Variants in MCF2L observed in about 807,000 individuals in gnomAD.
MCF2L encodes guanine nucleotide exchange factor DBS.
Under a neutral mutation model 153.4 loss-of-function variants are expected in MCF2L, and 97 were observed. That is an observed-to-expected ratio of 0.63 (90% CI 0.54 to 0.75). The LOEUF is 0.75. MCF2L is among the 30% of genes least tolerant of loss of function. MCF2L has a pLI of 0.00. For missense variants in MCF2L, 1,347 were observed against 1,495.2 expected (o/e 0.90, Z 1.64); for synonymous variants, 659 against 632.2 (o/e 1.04, Z -0.64).
At chr13:112,940,486 G>A (rs879468360) in intron 2 of MCF2L, among the ~76,000 whole-genome samples, 4 of 152,218 alleles carry the variant, frequency 2.6e-5, no homozygotes, top group East Asian at 1.9e-4. Context: ...AGGCGCTGCC[G>A]GCTGTGTACC....
rs565866446 is a variant in MCF2L, at chr13:113,039,678, GA to G, written c.279-5592del. Among the ~76,000 whole-genome samples the G allele has an allele frequency of 3.2e-3, 480 of 150,330 alleles. 2 individuals are homozygous for G. Among genetic ancestry groups the G allele is most frequent in the African/African-American group, 0.011 (454 of 41,002 alleles). On this transcript the variant is annotated intron_variant, in intron 3 of 29. Coordinates refer to ENST00000535094, the MANE Select transcript of MCF2L (RefSeq NM_001112732.3). ...AGATGTGAACAGGCATATCATAAAA[GA>G]GGATAGCCACTAGACACAGAAGGCT...
At chr13:112,964,719 T>C (rs1379225293), upstream of MCF2L, 2 of 152,246 alleles carry the variant, frequency 1.3e-5, no homozygotes, top group Non-Finnish European at 1.5e-5. Flanking sequence ...TTTAAAATCA[T>C]GTAGAGTAGC....
chr13:112,901,886 T>C (rs1365198975), intron 1 of MCF2L, among the ~76,000 whole-genome samples: 1 of 152,004 alleles, frequency 6.6e-6, no homozygotes, highest in East Asian at 1.9e-4. Context: ...GAAACAGGAG[T>C]CTGAATGTCG....
intron 2 of MCF2L, among the ~76,000 whole-genome samples, chr13:113,015,451 T>C (rs538994191): frequency 2.0e-5 from 3 of 151,930 alleles, no homozygotes; most frequent in African/African-American, 4.8e-5. Context: ...GCCCCGATGC[T>C]GAGGAGGGTG....
At chr13:112,982,370 C>T (rs1338170638) in intron 1 of MCF2L, among the ~76,000 whole-genome samples, 1 of 152,178 alleles carries the variant, frequency 6.6e-6, no homozygotes, top group Admixed American at 6.5e-5. Context: ...GTGGCCGCAT[C>T]CATGGGGCCT....
In MCF2L at chr13:112,975,635, C is replaced by T. The variant is rs569159118; in HGVS notation, c.79+6177C>T. On this transcript the variant is annotated intron_variant, in intron 1 of 29. Transcript: ENST00000535094. Reference sequence around the variant, plus strand: ...TGAGCACCTGTGCACAGCAGGGAGCCGCTGCCGTGGTCATCCTCAGGGAGC... The same window carrying T: ...TGAGCACCTGTGCACAGCAGGGAGCTGCTGCCGTGGTCATCCTCAGGGAGC... Among the ~76,000 whole-genome samples the T allele has an allele frequency of 3.0e-4, 46 of 152,272 alleles. No homozygotes were observed. The South Asian group carries it at 8.9e-3, about 30-fold the overall frequency.
At chr13:112,918,744 G>C (rs1399406936) in intron 2 of MCF2L, among the ~76,000 whole-genome samples, 2 of 152,204 alleles carry the variant, frequency 1.3e-5, no homozygotes, top group Admixed American at 1.3e-4. Flanking sequence ...GTGCTTTCTG[G>C]TTAGGGATGC....
intron 3 of MCF2L, chr13:113,026,927 C>A (rs555737287): frequency 2.6e-6 from 2 of 773,062 alleles, no homozygotes; most frequent in African/African-American, 3.4e-5. Flanking sequence ...GGAGGGGTGC[C>A]GCGGGGGTCT....
intron 2 of MCF2L, among the ~76,000 whole-genome samples, chr13:112,944,396 G>A (rs2081613642): frequency 6.6e-6 from 1 of 152,056 alleles, no homozygotes; most frequent in Non-Finnish European, 1.5e-5. Context: ...CAGCACAGAC[G>A]TTGTTACTGC....
chr13:112,929,373 G>A (rs1045061455), intron 2 of MCF2L, among the ~76,000 whole-genome samples: 6 of 152,222 alleles, frequency 3.9e-5, no homozygotes, highest in Non-Finnish European at 7.4e-5. Context: ...GCTGCAGGAC[G>A]CTGTCAGCAG....
chr13:113,070,317 G>A lies in MCF2L; in HGVS notation c.996+144G>A, dbSNP rs933655203. On this transcript the variant is annotated intron_variant, in intron 9 of 29. Transcript: ENST00000535094. The surrounding 1 kb of genome is among the most constrained non-coding windows in gnomAD (Gnocchi z 5.6). ...CAGAAAAGTCTCCGCTTGCCAGGTG[G>A]AGCCTGTGAGATTAAGTCAGGCTGA... 27 of 510,134 alleles carry A rather than the reference G, an allele frequency of 5.3e-5. No homozygotes were observed. The South Asian group carries it at 6.6e-4, about 13-fold the overall frequency. 31.6% of individuals were successfully genotyped at this position (510,134 alleles called of 1,614,324 possible).
chr13:112,916,362 A>G (rs1372008962), intron 2 of MCF2L, among the ~76,000 whole-genome samples: 2 of 152,044 alleles, frequency 1.3e-5, no homozygotes. Context: ...TGATTCACTG[A>G]TTTGTGCTTT....
At chr13:112,952,052 C>T (rs1258782406) in intron 2 of MCF2L, among the ~76,000 whole-genome samples, 1 of 152,230 alleles carries the variant, frequency 6.6e-6, no homozygotes, top group Non-Finnish European at 1.5e-5. Flanking sequence ...TTCAGATTTG[C>T]AGGTCCAGAT....
intron 15 of MCF2L, 119 bp from the exon 16 acceptor site, chr13:113,081,094 G>A (rs1475693012): frequency 7.0e-6 from 6 of 858,410 alleles, no homozygotes; most frequent in South Asian, 3.7e-5. Context: ...TTGGGTCGCC[G>A]CCAGTCCCCT....
chr13:113,096,002 CGGGGAGTACCAAGGAAG>C, intron 27 of MCF2L: 1 of 368,934 alleles, frequency 2.7e-6, no homozygotes, highest in Non-Finnish European at 4.8e-6. Context: ...ACGGGCGAGT[CGGGGAGTACCAAGGAAG>C]GCCTCAGCAA....
At chr13:112,925,841 T>C (rs2081396312) in intron 2 of MCF2L, among the ~76,000 whole-genome samples, 1 of 152,164 alleles carries the variant, frequency 6.6e-6, no homozygotes, top group Non-Finnish European at 1.5e-5. Context: ...GTTGATTACA[T>C]TAAACGTATT....
intron 1 of MCF2L, among the ~76,000 whole-genome samples, chr13:112,895,811 C>T (rs533137757): frequency 6.6e-6 from 1 of 152,138 alleles, no homozygotes; most frequent in Admixed American, 6.5e-5. Flanking sequence ...CCAACTTCAC[C>T]GGGCTGTGCA....
chr13:112,969,332 C>G lies in MCF2L; in HGVS notation c.-48C>G, dbSNP rs1046910452. On this transcript the variant is annotated 5_prime_UTR_variant, in exon 1 of 30. Coordinates refer to ENST00000535094, the MANE Select transcript of MCF2L (RefSeq NM_001112732.3). This position sits in a 1 kb window ranked among gnomAD's most constrained non-coding sequence, Gnocchi z 4.8. ...CACGGCCCCACCCGCAGGCGCCCCC[C>G]GTGCGGAGGAAGCGGATCTGCCAGG... 5.2e-6 allele frequency: 8 copies of G among 1,547,152 alleles called. No individual in the cohort carries two copies. In the Admixed American group the frequency reaches 5.9e-5, roughly 11 times the overall value.
chr13:112,945,379 GA>G (rs1240519816), intron 2 of MCF2L, among the ~76,000 whole-genome samples: 2 of 152,226 alleles, frequency 1.3e-5, no homozygotes, highest in Non-Finnish European at 2.9e-5. Context: ...AAGTGGGGCA[GA>G]GGGGGAGTAT....
Sources: allele counts gnomAD v4.1 joint callset (sites outside exome capture counted in the v4.1 genomes callset), GRCh38; gene constraint gnomAD v4.1.1; non-coding constraint Gnocchi (gnomAD v3.1); transcripts MANE v1.5; gene names NCBI Gene and HGNC (gene_info 2026-07-23, HGNC 2026-07-21).